CLPB: variants seen among roughly 807,000 people sequenced by gnomAD.
CLPB encodes ClpB family mitochondrial disaggregase, also known as mitochondrial disaggregase.
A neutral mutation model predicts 78.4 loss-of-function variants in CLPB; 40 were observed. The ratio of observed to expected loss-of-function variants is 0.51; its 90% confidence interval spans 0.40 to 0.66. The LOEUF is 0.66. Ranked by LOEUF, CLPB falls within the 30% of genes least tolerant of loss-of-function variation. CLPB has a pLI of 0.00. For missense variants in CLPB, 780 were observed against 886.9 expected (o/e 0.88, Z 1.53); for synonymous variants, 333 against 348.0 (o/e 0.96, Z 0.48).
At chr11:72,362,521 T>C (rs1950859138) in intron 4 of CLPB, among the ~76,000 whole-genome samples, 1 of 152,204 alleles carries the variant, frequency 6.6e-6, no homozygotes, top group South Asian at 2.1e-4. Flanking sequence ...GTAATACCAG[T>C]CAACAGTATT....
At chr11:72,334,399 A>G (rs1950283848) in intron 5 of CLPB, among the ~76,000 whole-genome samples, 1 of 152,196 alleles carries the variant, frequency 6.6e-6, no homozygotes, top group Non-Finnish European at 1.5e-5. Flanking sequence ...TCAGGGCAGC[A>G]TGTCTGCCCC....
At chr11:72,422,583 T>C (rs1856242591) in intron 2 of CLPB, among the ~76,000 whole-genome samples, 2 of 152,208 alleles carry the variant, frequency 1.3e-5, no homozygotes, top group Admixed American at 6.5e-5. Context: ...ACAGGAGTGA[T>C]GCCCTTGAGG....
chr11:72,352,312 T>C (rs1565455611), intron 5 of CLPB: 2 of 152,244 alleles, frequency 1.3e-5, no homozygotes, highest in South Asian at 4.1e-4. Flanking sequence ...CCTATCCTAG[T>C]CCTCCTCTAA....
At chr11:72,409,211 C>T (rs920954838) in intron 2 of CLPB, among the ~76,000 whole-genome samples, 8 of 152,128 alleles carry the variant, frequency 5.3e-5, no homozygotes, top group Admixed American at 1.3e-4. Flanking sequence ...ACTAGGTCTC[C>T]TGCTTGGCAG....
intron 7 of CLPB, among the ~76,000 whole-genome samples, chr11:72,313,363 G>A (rs1282279399): frequency 1.3e-5 from 2 of 152,134 alleles, no homozygotes; most frequent in Non-Finnish European, 2.9e-5. Context: ...TCCTTAGTAA[G>A]GATTATTCTT....
At chr11:72,403,142 A>G (rs1351568381) in intron 2 of CLPB, 90 bp from the exon 3 acceptor site, 1 of 1,182,166 alleles carries the variant, frequency 8.5e-7, no homozygotes, top group African/African-American at 1.5e-5. Flanking sequence ...GAATATTTTC[A>G]GTGTATGGCT....
At chr11:72,400,136 C>A (rs1370713103) in intron 3 of CLPB, among the ~76,000 whole-genome samples, 1 of 152,162 alleles carries the variant, frequency 6.6e-6, no homozygotes, top group Non-Finnish European at 1.5e-5. Flanking sequence ...ACAACTAATA[C>A]AGAAATAAGC....
intron 4 of CLPB, 176 bp from the exon 5 acceptor site, chr11:72,359,184 C>A (rs1169578106): frequency 1.2e-6 from 1 of 806,226 alleles, no homozygotes; most frequent in East Asian, 2.6e-5. Context: ...AAAACAGAGG[C>A]CAGTTAGTTC....
chr11:72,412,849 C>T (rs540488992), intron 2 of CLPB, among the ~76,000 whole-genome samples: 1 of 152,246 alleles, frequency 6.6e-6, no homozygotes, highest in Non-Finnish European at 1.5e-5. Flanking sequence ...AAGTGCAACA[C>T]TGGGTGATCA....
chr11:72,298,084 C>T lies in CLPB; in HGVS notation c.1330-2436G>A, dbSNP rs541353330. ...GGTTATGGGGCTGCTTTCCCACTGTCTCACGTATGACTCCTTGGTGGGAGG... is the reference window on the plus strand; with the variant it reads ...GGTTATGGGGCTGCTTTCCCACTGTTTCACGTATGACTCCTTGGTGGGAGG... On this transcript the variant is annotated intron_variant, in intron 11 of 15. Coordinates refer to ENST00000538039, the MANE Select transcript of CLPB (RefSeq NM_001258392.3). 1.1e-4 allele frequency among the ~76,000 whole-genome samples: 16 copies of T among 152,306 alleles called. No homozygotes were observed. In the South Asian group the frequency reaches 3.3e-3, roughly 32 times the overall value.
chr11:72,340,561 C>G (rs754696436), intron 5 of CLPB, among the ~76,000 whole-genome samples: 2 of 152,196 alleles, frequency 1.3e-5, no homozygotes, highest in East Asian at 3.8e-4. Context: ...GTCCCTCTTA[C>G]GCCTGAAGGC....
intron 7 of CLPB, among the ~76,000 whole-genome samples, chr11:72,314,439 T>C (rs1949903953): frequency 1.3e-5 from 2 of 152,132 alleles, no homozygotes; most frequent in African/African-American, 4.8e-5. Context: ...ATTCCCAGTA[T>C]GCTGTGGGCT....
intron 4 of CLPB, among the ~76,000 whole-genome samples, chr11:72,378,422 GA>G (rs1854787895): frequency 6.6e-6 from 1 of 152,182 alleles, no homozygotes; most frequent in South Asian, 2.1e-4. Flanking sequence ...AGTGGCAAGA[GA>G]AAAATGAGGA....
At chr11:72,388,023 AT>A (rs1019557753) in intron 3 of CLPB, among the ~76,000 whole-genome samples, 5 of 152,104 alleles carry the variant, frequency 3.3e-5, no homozygotes, top group African/African-American at 9.6e-5. Context: ...CATCTGTCCA[AT>A]TTGCAGGCTG....
chr11:72,339,489 T>C (rs1000395714), intron 5 of CLPB, among the ~76,000 whole-genome samples: 1 of 152,228 alleles, frequency 6.6e-6, no homozygotes, highest in Non-Finnish European at 1.5e-5. Context: ...AAATAGAATA[T>C]GAGCAGCCTC....
chr11:72,407,697 A>G (rs1012262144), intron 2 of CLPB, among the ~76,000 whole-genome samples: 1 of 148,496 alleles, frequency 6.7e-6, no homozygotes, highest in African/African-American at 2.5e-5. Flanking sequence ...CCCAGGCTGG[A>G]GTGCAGTGGC....
rs533656725 is a variant in CLPB, at chr11:72,402,854, C to T, written c.542+112G>A. ...GTCCAGTACCTCAGTCTGAATCTAT[C>T]TTCCTGCCTCTGGAAAAGACAGCAG... is the stretch of plus-strand genomic sequence containing the variant. On this transcript the variant is annotated intron_variant, in intron 3 of 15. Transcript: ENST00000538039. 3.7e-6 allele frequency: 3 copies of T among 800,702 alleles called. No homozygotes were observed. The African/African-American group carries it at 5.1e-5, about 14-fold the overall frequency. 49.6% of individuals were successfully genotyped at this position (800,702 alleles called of 1,614,324 possible).
chr11:72,421,840 C>T (rs1239532216), intron 2 of CLPB, among the ~76,000 whole-genome samples: 1 of 152,218 alleles, frequency 6.6e-6, no homozygotes, highest in African/African-American at 2.4e-5. Flanking sequence ...CTCAGCAAGC[C>T]ACATACCCCA....
At chr11:72,311,296 C>T (rs1590777836) in intron 7 of CLPB, among the ~76,000 whole-genome samples, 1 of 152,234 alleles carries the variant, frequency 6.6e-6, no homozygotes, top group South Asian at 2.1e-4. Context: ...TGCATGGGCC[C>T]ACGTGGGAGG....
Sources: gnomAD v4.1 joint callset for allele counts (sites outside exome capture counted in the v4.1 genomes callset) on GRCh38, gnomAD v4.1.1 for gene constraint, MANE v1.5 for transcripts, NCBI Gene and HGNC (gene_info 2026-07-23, HGNC 2026-07-21) for gene names.